Variants in CTNNA1 observed in about 807,000 individuals in gnomAD.
CTNNA1 encodes the protein catenin alpha-1.
A neutral mutation model predicts 98.4 loss-of-function variants in CTNNA1; 37 were observed. The observed-to-expected ratio is 0.38, with a 90% confidence interval of 0.29 to 0.49. The LOEUF (loss-of-function observed/expected upper bound fraction) is 0.49, where lower values mean the gene tolerates loss of function less well. Ranked by LOEUF, CTNNA1 falls within the 20% of genes least tolerant of loss-of-function variation. The pLI, the probability that CTNNA1 is intolerant of heterozygous loss-of-function variation, is 0.95. For synonymous variants in CTNNA1, 404 were observed against 413.2 expected (o/e 0.98, Z 0.27); for missense variants, 761 against 1,147.2 (o/e 0.66, Z 4.86).
intron 7 of CTNNA1, among the ~76,000 whole-genome samples, chr5:138,856,553 G>A (rs1162834075): frequency 6.6e-6 from 1 of 152,122 alleles, no homozygotes; most frequent in Non-Finnish European, 1.5e-5. Context: ...TGTTGCCCAG[G>A]CTGGTCTCAA....
chr5:138,786,242 G>T lies in CTNNA1; in HGVS notation c.301+2870G>T, dbSNP rs150097054. Among the ~76,000 whole-genome samples, 91 of 152,288 alleles carry T rather than the reference G, an allele frequency of 6.0e-4. No individual in the cohort carries two copies. The East Asian group carries it at 0.016, about 27-fold the overall frequency. ...TCCTCCCATCATCATTATTGCATCA[G>T]ATATGAAAAGCTGAAATGCCTTACT... is the stretch of plus-strand genomic sequence containing the variant. On this transcript the variant is annotated intron_variant, in intron 3 of 17. Transcript: ENST00000302763.
chr5:138,776,201 G>A (rs1436911137), intron 1 of CTNNA1, among the ~76,000 whole-genome samples: 1 of 151,606 alleles, frequency 6.6e-6, no homozygotes, highest in Non-Finnish European at 1.5e-5. Context: ...GCCTTCCGCA[G>A]TGTTTGTGTC....
chr5:138,812,695 C>T (rs576200962), intron 5 of CTNNA1, among the ~76,000 whole-genome samples: 3 of 152,126 alleles, frequency 2.0e-5, no homozygotes, highest in Non-Finnish European at 2.9e-5. Flanking sequence ...TATCTCCATA[C>T]CTTGCCCCAC....
At chr5:138,921,704 G>A (rs910124140) in intron 11 of CTNNA1, among the ~76,000 whole-genome samples, 8 of 146,150 alleles carry the variant, frequency 5.5e-5, no homozygotes, top group Non-Finnish European at 8.9e-5. Context: ...AGGTTCAAGC[G>A]ATTCTCCTGC....
intron 1 of CTNNA1, among the ~76,000 whole-genome samples, chr5:138,755,337 G>GT (rs1014485820): frequency 1.3e-5 from 2 of 152,040 alleles, no homozygotes; most frequent in Non-Finnish European, 2.9e-5. Context: ...CATGAGTCGA[G>GT]TTTTTTTTAA....
intron 7 of CTNNA1, chr5:138,880,111 A>G (rs188571994): frequency 6.6e-6 from 1 of 152,264 alleles, no homozygotes; most frequent in African/African-American, 2.4e-5. Context: ...AAGATGTTTT[A>G]TTTCTCCTAT....
intron 7 of CTNNA1, among the ~76,000 whole-genome samples, chr5:138,841,378 G>T (rs1762254684): frequency 2.0e-5 from 3 of 152,048 alleles, no homozygotes; most frequent in Non-Finnish European, 4.4e-5. Flanking sequence ...TCCTGCCTCA[G>T]CCTCCTGAGT....
intron 7 of CTNNA1, among the ~76,000 whole-genome samples, chr5:138,839,664 A>C (rs1762108290): frequency 6.6e-6 from 1 of 152,062 alleles, no homozygotes; most frequent in Non-Finnish European, 1.5e-5. Context: ...TGTAGATTCG[A>C]CCATTCTTTA....
intron 7 of CTNNA1, chr5:138,869,192 C>T (rs1475340049): frequency 7.2e-6 from 1 of 139,564 alleles, no homozygotes; most frequent in Admixed American, 7.1e-5. Context: ...AAAAAAAAAC[C>T]GCTAAGGACA....
rs1213017578 is a variant in CTNNA1 at position 138,933,917 on chromosome 5, C to T, written c.2549C>T (p.Ala850Val). 6.2e-7 allele frequency: 1 copy of T among 1,614,096 alleles called. No homozygotes were observed. The highest frequency in any genetic ancestry group is 8.5e-7 in the Non-Finnish European group (1 of 1,180,050). The change falls in exon 18 of 18, where the codon GCT becomes GTT. Residue 850 changes from alanine (A) to valine (V), a missense_variant. Physicochemically the swap from Ala to Val is moderately conservative, Grantham distance 64. Around this residue, in one of 6 missense-constraint regions of CTNNA1, gnomAD observed 57 missense variants for 90.9 expected, o/e 0.63. Coordinates refer to ENST00000302763, the MANE Select transcript of CTNNA1 (RefSeq NM_001903.5). ...STKYQKSQGM[A>V]SLNLPAVSWK... ...AAATACCAAAAGTCACAGGGTATGG[C>T]TTCCCTCAACCTTCCTGCTGTGTCA...
At chr5:138,904,706 C>T in intron 10 of CTNNA1, 1 of 346,814 alleles carries the variant, frequency 2.9e-6, no homozygotes, top group South Asian at 7.2e-5. Flanking sequence ...CCTGTAATCG[C>T]AGCACTTTGG....
In CTNNA1 at chr5:138,782,004, G is replaced by C; in HGVS notation, c.80G>C (p.Arg27Thr). ...GAGATCAGGACTCTGGCAGTTGAGA[G>C]ACTGTTGGAGCCTCTTGTTACACAG... is the stretch of plus-strand genomic sequence containing the variant. ...SLEIRTLAVE[R>T]LLEPLVTQVT... The change falls in exon 2 of 18, where the codon AGA becomes ACA. Residue 27 changes from arginine to threonine, a missense_variant. Coordinates refer to ENST00000302763, the MANE Select transcript of CTNNA1 (RefSeq NM_001903.5). 2.5e-6 allele frequency: 4 copies of C among 1,608,032 alleles called. No homozygotes were observed. The highest frequency in any genetic ancestry group is 1.3e-5 in the African/African-American group (1 of 74,616).
chr5:138,922,290 T>C (rs1485184971), intron 11 of CTNNA1, among the ~76,000 whole-genome samples: 3 of 152,214 alleles, frequency 2.0e-5, no homozygotes, highest in African/African-American at 7.2e-5. Context: ...TATAAGGATG[T>C]TTTCTTCAAC....
intron 4 of CTNNA1, chr5:138,811,893 T>C (rs1229683643): frequency 7.2e-6 from 2 of 278,740 alleles, no homozygotes; most frequent in African/African-American, 4.6e-5. Flanking sequence ...CAGCTCGGCA[T>C]CAGAGGGAGA....
intron 4 of CTNNA1, among the ~76,000 whole-genome samples, chr5:138,810,878 C>T (rs1472418300): frequency 1.3e-5 from 2 of 150,774 alleles, no homozygotes; most frequent in Non-Finnish European, 3.0e-5. Flanking sequence ...CGGGCAGAGG[C>T]GCCCCTCACC....
Position 138,847,710 on chromosome 5 carries a change from C to T in CTNNA1, c.1062+19992C>T, listed in dbSNP as rs1220479651. Among the ~76,000 whole-genome samples, 28 of 152,108 alleles carry T rather than the reference C, an allele frequency of 1.8e-4. 1 individual carries two copies. Among genetic ancestry groups the T allele is most frequent in the Non-Finnish European group, 4.4e-5 (3 of 68,032 alleles). ...GGCATATTTTGGGGGAGGGGCATTT[C>T]TCTCTAAATTGATGTACTAGGAGAT... On this transcript the variant is annotated intron_variant, in intron 7 of 17. Coordinates refer to ENST00000302763, the MANE Select transcript of CTNNA1 (RefSeq NM_001903.5).
chr5:138,868,791 C>T (rs1053608167), intron 7 of CTNNA1: 2 of 152,106 alleles, frequency 1.3e-5, no homozygotes, highest in Non-Finnish European at 2.9e-5. Context: ...TCAGTGGACA[C>T]ATTTGACATT....
intron 3 of CTNNA1, among the ~76,000 whole-genome samples, chr5:138,796,821 A>C (rs1279116462): frequency 6.6e-6 from 1 of 152,180 alleles, no homozygotes; most frequent in Non-Finnish European, 1.5e-5. Context: ...AAGCATATTC[A>C]GGTGGATGTC....
intron 9 of CTNNA1, among the ~76,000 whole-genome samples, chr5:138,894,708 C>T (rs1305626159): frequency 1.3e-5 from 2 of 152,112 alleles, no homozygotes; most frequent in Non-Finnish European, 2.9e-5. Context: ...TGTCCCTCCC[C>T]TGACCCACCC....
Sources: allele counts gnomAD v4.1 joint callset (sites outside exome capture counted in the v4.1 genomes callset), GRCh38; gene constraint gnomAD v4.1.1; regional missense constraint gnomAD v4.1.1; transcripts MANE v1.5; gene names NCBI Gene and HGNC (gene_info 2026-07-23, HGNC 2026-07-21).